RIPK2: variants seen among roughly 807,000 people sequenced by gnomAD.
RIPK2 encodes the protein receptor-interacting serine/threonine-protein kinase 2.
In RIPK2, 38 loss-of-function variants were observed where a neutral mutation model predicts 60.9. The ratio of observed to expected loss-of-function variants is 0.62; its 90% CI spans 0.48 to 0.82. The LOEUF is 0.82. Among genes scored for constraint, RIPK2 ranks in the 40% least tolerant of loss-of-function variants. RIPK2 has a pLI of 0.00. For missense variants in RIPK2, 518 were observed against 647.0 expected (o/e 0.80, Z 2.16); for synonymous variants, 225 against 223.4 (o/e 1.01, Z -0.06).
At position 89,758,028 on chromosome 8, in the gene RIPK2, G is replaced by A. The variant is rs762866836; in HGVS notation, c.-33G>A. On this transcript the variant is annotated 5_prime_UTR_variant, in exon 1 of 11. Coordinates refer to ENST00000220751, the MANE Select transcript of RIPK2 (RefSeq NM_003821.6). Reference sequence around the variant, plus strand: ...GCCTTGGGAGCCGCCGCAGCAGGGGGCACACCCGGAACCGGCCTGAGCGCC... The same window carrying A: ...GCCTTGGGAGCCGCCGCAGCAGGGGACACACCCGGAACCGGCCTGAGCGCC... The A allele has an allele frequency of 2.6e-6, 4 of 1,532,394 alleles. No individual in the cohort carries two copies. Among genetic ancestry groups the A allele is most frequent in the Non-Finnish European group, 2.6e-6 (3 of 1,136,244 alleles). The allele number at this position is 1,532,394 out of a possible 1,614,324, so 94.9% of individuals were successfully genotyped here.
intron 6 of RIPK2, among the ~76,000 whole-genome samples, chr8:89,779,426 T>C (rs1214262918): frequency 1.3e-5 from 2 of 149,440 alleles, no homozygotes; most frequent in Non-Finnish European, 3.0e-5. Context: ...ACCATTCTTC[T>C]GCCTCAGCCT....
chr8:89,780,182 TG>T, intron 7 of RIPK2, 22 bp downstream of exon 7: 1 of 1,245,864 alleles, frequency 8.0e-7, no homozygotes, highest in Non-Finnish European at 1.1e-6. Context: ...AATGAAATGC[TG>T]GAAATTAGAA....
chr8:89,769,724 AC>A (rs113111543), intron 3 of RIPK2, 47 bp from the exon 4 acceptor site: 19 of 1,405,564 alleles, frequency 1.4e-5, no homozygotes, highest in Non-Finnish European at 1.8e-5. Flanking sequence ...TGACTTTTGG[AC>A]TTTTTAAAGA....
chr8:89,779,454 G>A (rs1039387030), intron 6 of RIPK2, among the ~76,000 whole-genome samples: 18 of 151,416 alleles, frequency 1.2e-4, no homozygotes, highest in Non-Finnish European at 1.2e-4. Flanking sequence ...AGCTGGGACT[G>A]CAGGTGCCCG....
At chr8:89,763,142 T>A (rs372264302) in intron 2 of RIPK2, among the ~76,000 whole-genome samples, 160 bp downstream of exon 2, 1 of 152,282 alleles carries the variant, frequency 6.6e-6, no homozygotes, top group East Asian at 1.9e-4. Flanking sequence ...TTTTGTGACA[T>A]TTTTGTGTTG....
At chr8:89,770,017 T>G in intron 4 of RIPK2, 88 bp downstream of exon 4, 1 of 1,023,318 alleles carries the variant, frequency 9.8e-7, no homozygotes, top group Middle Eastern at 2.4e-4. Context: ...TTTTAAACTG[T>G]GATTTTTATT....
intron 2 of RIPK2, 100 bp from the exon 3 acceptor site, chr8:89,765,241 T>G (rs548402071): frequency 1.2e-6 from 1 of 800,630 alleles, no homozygotes; most frequent in South Asian, 1.9e-5. Context: ...TTAACCTTAG[T>G]TTATACTGTA....
intron 6 of RIPK2, among the ~76,000 whole-genome samples, 156 bp from the exon 7 acceptor site, chr8:89,779,919 G>A (rs1809470463): frequency 6.6e-6 from 1 of 152,132 alleles, no homozygotes; most frequent in African/African-American, 2.4e-5. Context: ...TGTTGCTTAT[G>A]TCTATCTTTA....
At chr8:89,777,542 A>G (rs1563615158) in intron 6 of RIPK2, among the ~76,000 whole-genome samples, 1 of 151,808 alleles carries the variant, frequency 6.6e-6, no homozygotes, top group Non-Finnish European at 1.5e-5. Flanking sequence ...GAAATGGCCT[A>G]TAAACATATC....
At position 89,772,713 on chromosome 8, in the gene RIPK2, T is replaced by C; in HGVS notation, c.738T>C (p.His246=). 1 of 1,611,842 alleles carries C rather than the reference T, an allele frequency of 6.2e-7. No homozygotes were observed. The change falls in exon 6 of 11, where the codon CAT becomes CAC. Residue 246 remains histidine (H), a synonymous_variant. Transcript: ENST00000220751. ...TAATGTATAGTGTGTCACAAGGACA[T>C]CGACCTGTTATTAATGAAGAAAGTT... is the stretch of plus-strand genomic sequence containing the variant. ...LQIMYSVSQG[H]RPVINEESLP...
At chr8:89,787,037 G>T (rs1470683529) in intron 9 of RIPK2, among the ~76,000 whole-genome samples, 1 of 151,916 alleles carries the variant, frequency 6.6e-6, no homozygotes, top group Non-Finnish European at 1.5e-5. Context: ...ATGGTGGTGG[G>T]CACCTGTAGT....
At position 89,772,768 on chromosome 8, in the gene RIPK2, A is replaced by T; in HGVS notation, c.793A>T (p.Met265Leu). The change falls in exon 6 of 11, where the codon ATG becomes TTG. Residue 265 changes from methionine (M) to leucine (L), a missense_variant. Met to Leu is a conservative substitution (Grantham distance 15). Coordinates refer to ENST00000220751, the MANE Select transcript of RIPK2 (RefSeq NM_003821.6). Reference protein sequence around the residue: ...LPYDIPHRARMISLIESGWAQ... With the variant: ...LPYDIPHRARLISLIESGWAQ... ...ATATGATATACCTCACCGAGCACGT[A>T]TGATCTCTCTAATAGAAAGTGGATG... 1 of 1,612,180 alleles carries T rather than the reference A, an allele frequency of 6.2e-7. No individual in the cohort carries two copies. Among genetic ancestry groups the T allele is most frequent in the Non-Finnish European group, 8.5e-7 (1 of 1,178,754 alleles).
At chr8:89,758,776 A>C (rs1291706463) in intron 1 of RIPK2, among the ~76,000 whole-genome samples, 3 of 152,230 alleles carry the variant, frequency 2.0e-5, no homozygotes, top group Non-Finnish European at 2.9e-5. Flanking sequence ...ATTTATTAAA[A>C]AAAGAACTTA....
chr8:89,772,053 T>A (rs1309321292), intron 5 of RIPK2, among the ~76,000 whole-genome samples: 2 of 152,028 alleles, frequency 1.3e-5, no homozygotes, highest in Admixed American at 6.6e-5. Flanking sequence ...CTGACAGTAA[T>A]TAGCTCTGTG....
chr8:89,770,864 C>G (rs1809301117), intron 4 of RIPK2, among the ~76,000 whole-genome samples: 1 of 151,812 alleles, frequency 6.6e-6, no homozygotes, highest in African/African-American at 2.4e-5. Context: ...CTTTTACATT[C>G]ACATTGTATG....
At chr8:89,762,531 T>C (rs1275544954) in intron 1 of RIPK2, among the ~76,000 whole-genome samples, 1 of 152,240 alleles carries the variant, frequency 6.6e-6, no homozygotes, top group Non-Finnish European at 1.5e-5. Context: ...ACTTTATAAA[T>C]TTAATACTAT....
chr8:89,769,313 C>G (rs747690189), intron 3 of RIPK2, among the ~76,000 whole-genome samples: 1 of 151,880 alleles, frequency 6.6e-6, no homozygotes. Flanking sequence ...AGGATGCTAC[C>G]TTTAGGGCAT....
intron 5 of RIPK2, among the ~76,000 whole-genome samples, chr8:89,772,270 G>A (rs1809326658): frequency 6.6e-6 from 1 of 151,958 alleles, no homozygotes; most frequent in South Asian, 2.1e-4. Context: ...TTTGAGGTTT[G>A]TGTAGGTCAG....
chr8:89,761,515 C>T (rs535864901), intron 1 of RIPK2, among the ~76,000 whole-genome samples: 6 of 152,094 alleles, frequency 3.9e-5, no homozygotes, highest in Non-Finnish European at 8.8e-5. Flanking sequence ...TAACACCTGA[C>T]TTTCAAACTC....
Sources: gnomAD v4.1 joint callset for allele counts (sites outside exome capture counted in the v4.1 genomes callset) on GRCh38, gnomAD v4.1.1 for gene constraint, MANE v1.5 for transcripts, NCBI Gene and HGNC (gene_info 2026-07-23, HGNC 2026-07-21) for gene names.